Variants in LEPR observed in about 807,000 individuals in gnomAD.
The protein encoded by LEPR is leptin receptor.
A neutral mutation model predicts 114.7 loss-of-function variants in LEPR; 56 were observed. That is an observed-to-expected ratio of 0.49 (90% confidence interval 0.39 to 0.61). The LOEUF (loss-of-function observed/expected upper bound fraction) is 0.61, where lower values mean the gene tolerates loss of function less well. LEPR is among the 20% of genes least tolerant of loss of function. The pLI is 0.00. For synonymous variants in LEPR, 443 were observed against 461.4 expected (o/e 0.96, Z 0.51); for missense variants, 1,202 against 1,352.9 (o/e 0.89, Z 1.75).
At chr1:65,636,109 A>C in intron 19 of LEPR, 82 bp from the exon 20 acceptor site, 1 of 1,472,104 alleles carries the variant, frequency 6.8e-7, no homozygotes, top group Non-Finnish European at 9.5e-7. Context: ...TTAACTTAAC[A>C]CACTTCCATT....
intron 2 of LEPR, among the ~76,000 whole-genome samples, chr1:65,438,548 C>CAAAAAAAAAAA: frequency 1.5e-5 from 1 of 67,794 alleles, no homozygotes; most frequent in Non-Finnish European, 2.7e-5. Flanking sequence ...GACTCTGTCT[C>CAAAAAAAAAAA]AAAAAAAAAA....
At chr1:65,555,825 G>A (rs1425662694) in intron 2 of LEPR, among the ~76,000 whole-genome samples, 1 of 152,148 alleles carries the variant, frequency 6.6e-6, no homozygotes, top group African/African-American at 2.4e-5. Context: ...CCCTAGCCCA[G>A]TTCTAAGTAT....
rs1038024526 is a variant in LEPR at position 65,616,117 on chromosome 1, C to G, written c.2105C>G (p.Thr702Ser). ...GATGTGGGAAATCACACGAAATTCA[C>G]TTTCCTGTGGACAGAGCAAGCACAT... The part of the protein sequence containing the change: ...SEDVGNHTKF[T>S]FLWTEQAHTV... Residue 702 changes from threonine (T) to serine (S), a missense_variant, in exon 15 of 20, where the codon ACT becomes AGT. Transcript: ENST00000349533. The G allele has an allele frequency of 6.2e-7, 1 of 1,614,074 alleles. No homozygotes were observed. Among genetic ancestry groups the G allele is most frequent in the African/African-American group, 1.3e-5 (1 of 74,936 alleles).
rs761971251 is a variant in LEPR, at chr1:65,610,196, C to A, written c.1913-18C>A. Reference sequence around the variant, plus strand: ...AAGTATTTCTTCAAAAACATATACACAACTTGTCATTTTGCAGTTCCTATG... The same window carrying A: ...AAGTATTTCTTCAAAAACATATACAAAACTTGTCATTTTGCAGTTCCTATG... On this transcript the variant is annotated intron_variant, in intron 13 of 19. Coordinates refer to ENST00000349533, the MANE Select transcript of LEPR (RefSeq NM_002303.6). The A allele has an allele frequency of 6.2e-7, 1 of 1,613,964 alleles. No homozygotes were observed. The highest frequency in any genetic ancestry group is 2.2e-5 in the East Asian group (1 of 44,864).
intron 2 of LEPR, among the ~76,000 whole-genome samples, chr1:65,530,166 C>A (rs940857739): frequency 5.3e-5 from 8 of 152,204 alleles, no homozygotes; most frequent in African/African-American, 1.9e-4. Context: ...TTCCTCATCT[C>A]CATCTTTCAA....
In LEPR at chr1:65,632,157, C is replaced by T. The variant is rs531440442; in HGVS notation, c.2674-4034C>T. ...CTCCAAATAAAGCAGCTCAATAACC[C>T]GTGGCCTCCCAGAACACCATCCTCA... On this transcript the variant is annotated intron_variant, in intron 19 of 19. Coordinates refer to ENST00000349533, the MANE Select transcript of LEPR (RefSeq NM_002303.6). Among the ~76,000 whole-genome samples the T allele has an allele frequency of 1.6e-4, 25 of 152,194 alleles. No individual in the cohort carries two copies. The South Asian group carries it at 1.7e-3, about 10-fold the overall frequency.
At chr1:65,573,191 C>T (rs1326772241) in intron 5 of LEPR, among the ~76,000 whole-genome samples, 1 of 152,198 alleles carries the variant, frequency 6.6e-6, no homozygotes, top group Non-Finnish European at 1.5e-5. Context: ...GGCTACATGG[C>T]TGTGATAACA....
At chr1:65,506,950 C>G (rs537456121) in intron 2 of LEPR, among the ~76,000 whole-genome samples, 11 of 152,172 alleles carry the variant, frequency 7.2e-5, no homozygotes, top group South Asian at 2.1e-4. Flanking sequence ...ACACTCTCAC[C>G]CACTGCCAGC....
intron 2 of LEPR, chr1:65,435,610 G>C: frequency 6.5e-6 from 5 of 767,900 alleles, no homozygotes; most frequent in Non-Finnish European, 6.3e-6. Flanking sequence ...CTCATGATCC[G>C]CCCGCCTCTG....
In LEPR at chr1:65,613,513, G is replaced by A. The variant is rs967870172; in HGVS notation, c.1996-2495G>A. Among the ~76,000 whole-genome samples, 4 of 97,430 alleles carry A rather than the reference G, an allele frequency of 4.1e-5. 1 individual carries two copies. The highest frequency in any genetic ancestry group is 1.3e-4 in the African/African-American group (4 of 29,650). 63.9% of individuals were successfully genotyped at this position (97,430 alleles called of 152,430 possible). On this transcript the variant is annotated intron_variant, in intron 14 of 19. Coordinates refer to ENST00000349533, the MANE Select transcript of LEPR (RefSeq NM_002303.6). ...TCACGCCTGTAATCCCAGCACTTTGGGAGGCCGAGGCGGGTGGATCACGAG... is the reference window on the plus strand; with the variant it reads ...TCACGCCTGTAATCCCAGCACTTTGAGAGGCCGAGGCGGGTGGATCACGAG...
At chr1:65,473,873 A>C (rs1031197480) in intron 2 of LEPR, among the ~76,000 whole-genome samples, 1 of 152,240 alleles carries the variant, frequency 6.6e-6, no homozygotes, top group African/African-American at 2.4e-5. Flanking sequence ...AATGTTAGCT[A>C]TAATTATAAG....
chr1:65,436,519 TA>T (rs878963661), intron 2 of LEPR, among the ~76,000 whole-genome samples: 1 of 152,086 alleles, frequency 6.6e-6, no homozygotes, highest in Admixed American at 6.5e-5. Context: ...AAACTTTTAA[TA>T]GAAATAGAAA....
intron 5 of LEPR, among the ~76,000 whole-genome samples, chr1:65,574,557 A>G (rs563965939): frequency 6.6e-6 from 1 of 152,324 alleles, no homozygotes; most frequent in Admixed American, 6.5e-5. Context: ...CAGATTTTAG[A>G]GTCAGACTAC....
intron 2 of LEPR, among the ~76,000 whole-genome samples, chr1:65,540,700 A>G (rs1173345675): frequency 2.6e-5 from 4 of 152,144 alleles, no homozygotes; most frequent in African/African-American, 9.6e-5. Context: ...ATGGACTAAC[A>G]CACTAATGTT....
intron 14 of LEPR, among the ~76,000 whole-genome samples, chr1:65,611,114 A>G (rs1657137642): frequency 6.6e-6 from 1 of 152,160 alleles, no homozygotes; most frequent in South Asian, 2.1e-4. Context: ...TCTTAAAATA[A>G]TTTTTTATTC....
chr1:65,592,660 T>C lies in LEPR; in HGVS notation c.498T>C (p.Pro166=). ...NYKVHLLYVL[P]EVLEDSPLVP... ...TAGCTCTTATTTTTCAATATAGGCC[T>C]GAAGTGTTAGAAGATTCACCTCTGG... The change falls in exon 6 of 20, where the codon CCT becomes CCC. Residue 166 remains proline (P), a synonymous_variant. Transcript: ENST00000349533. 1 of 1,613,024 alleles carries C rather than the reference T, an allele frequency of 6.2e-7. No individual in the cohort carries two copies. The highest frequency in any genetic ancestry group is 8.5e-7 in the Non-Finnish European group (1 of 1,179,238).
In LEPR at chr1:65,639,989, T is replaced by C. The variant is rs981317482; in HGVS notation, c.*2974T>C. ...TTTCTTTTTAAACCTAGTCACCAAA[T>C]GGTAAAAGGACTTGGATGAAATTCC... On this transcript the variant is annotated 3_prime_UTR_variant, in exon 20 of 20. Coordinates refer to ENST00000349533, the MANE Select transcript of LEPR (RefSeq NM_002303.6). The C allele has an allele frequency of 6.6e-6, 1 of 151,948 alleles. No individual in the cohort carries two copies. The highest frequency in any genetic ancestry group is 2.4e-5 in the African/African-American group (1 of 41,370). 9.4% of individuals were successfully genotyped at this position (151,948 alleles called of 1,614,324 possible). A position where few individuals can be genotyped will look rare whatever the true frequency, so the allele number is the denominator to read the frequency against.
chr1:65,631,650 A>G (rs1031652461), intron 19 of LEPR, among the ~76,000 whole-genome samples: 1 of 152,166 alleles, frequency 6.6e-6, no homozygotes, highest in Non-Finnish European at 1.5e-5. Context: ...TTGAATCAGA[A>G]TACCATTTCT....
At chr1:65,551,158 G>T (rs959187597) in intron 2 of LEPR, among the ~76,000 whole-genome samples, 1 of 152,100 alleles carries the variant, frequency 6.6e-6, no homozygotes, top group African/African-American at 2.4e-5. Context: ...GTTCATCAGG[G>T]ATATTGGCCT....
Sources: gnomAD v4.1 joint callset for allele counts (sites outside exome capture counted in the v4.1 genomes callset) on GRCh38, gnomAD v4.1.1 for gene constraint, MANE v1.5 for transcripts, NCBI Gene and HGNC (gene_info 2026-07-23, HGNC 2026-07-21) for gene names.